The following METTL27 variants were observed in gnomAD, a reference collection of about 807,000 sequenced individuals.
METTL27 encodes methyltransferase like 27, also known as methyltransferase-like protein 27.
A neutral mutation model predicts 24.5 loss-of-function variants in METTL27; 29 were observed. That is an observed-to-expected ratio of 1.18 (90% confidence interval 0.88 to 1.61). The LOEUF (loss-of-function observed/expected upper bound fraction) is 1.61, where lower values mean the gene tolerates loss of function less well. METTL27 is among the 40% of genes most tolerant of loss of function. The pLI is 0.00. For missense variants in METTL27, 341 were observed against 324.3 expected (o/e 1.05, Z -0.40); for synonymous variants, 138 against 146.8 (o/e 0.94, Z 0.43).
intron 3 of METTL27, 53 bp from the exon 4 acceptor site, chr7:73,840,602 T>C: frequency 2.0e-6 from 3 of 1,526,982 alleles, no homozygotes; most frequent in Non-Finnish European, 2.6e-6. Context: ...ACTTCCCGGC[T>C]GGGTCCCTGC....
At chr7:73,840,388 G>C (rs1349762589) in intron 4 of METTL27, 26 bp downstream of exon 4, 14 of 1,556,708 alleles carry the variant, frequency 9.0e-6, no homozygotes, top group Non-Finnish European at 1.2e-5. Flanking sequence ...GTGGGCCTCG[G>C]GGTGTGGAGG....
Position 73,840,413 on chromosome 7 carries a change from C to A in METTL27, c.388+1G>T, listed in dbSNP as rs782044446. The A allele has an allele frequency of 1.9e-6, 3 of 1,571,568 alleles. No individual in the cohort carries two copies. Among genetic ancestry groups the A allele is most frequent in the Non-Finnish European group, 2.6e-6 (3 of 1,158,810 alleles). On this transcript the variant is annotated splice_donor_variant, in intron 4 of 5. Transcript: ENST00000297873. LOFTEE classifies it high-confidence loss of function. ...GGGTGTGGAGGTGGGAGAGAAAGTA[C>A]CTTCCGGGCTGGGCAGAGGCTCCTG... is the stretch of plus-strand genomic sequence containing the variant.
chr7:73,842,511 G>T lies in METTL27; in HGVS notation c.-26C>A. 1 of 207,888 alleles carries T rather than the reference G, an allele frequency of 4.8e-6. No individual in the cohort carries two copies. 12.9% of individuals were successfully genotyped at this position (207,888 alleles called of 1,614,324 possible). ...TCACCGCCAATCCAGCGCGCCTCGG[G>T]CGTGTGGGCAACAGGACTCGGGGCG... On this transcript the variant is annotated 5_prime_UTR_variant, in exon 1 of 6. Transcript: ENST00000297873.
intron 2 of METTL27, among the ~76,000 whole-genome samples, chr7:73,841,752 T>A (rs1584341899): frequency 6.6e-6 from 1 of 152,252 alleles, no homozygotes; most frequent in African/African-American, 2.4e-5. Flanking sequence ...GGCTTAGGAT[T>A]ACGGCTTGTG....
At chr7:73,840,256 T>A in intron 4 of METTL27, 136 bp from the exon 5 acceptor site, 7 of 1,444,838 alleles carry the variant, frequency 4.8e-6, no homozygotes, top group Non-Finnish European at 5.6e-6. Flanking sequence ...CCCTAGAGGA[T>A]AAGGTAAGTA....
At chr7:73,839,813 T>G in intron 5 of METTL27, 2 of 471,408 alleles carry the variant, frequency 4.2e-6, no homozygotes, top group Non-Finnish European at 7.5e-6. Context: ...TGCTCCTGGT[T>G]GTCCATGGAT....
At chr7:73,838,151 T>C (rs1372269354) in intron 5 of METTL27, among the ~76,000 whole-genome samples, 1 of 152,144 alleles carries the variant, frequency 6.6e-6, no homozygotes, top group East Asian at 1.9e-4. Context: ...CTGTGCCTGG[T>C]GGGGAATTCT....
Position 73,835,110 on chromosome 7 carries a change from T to C in METTL27, c.479-108A>G, listed in dbSNP as rs565571770. ...AAGGCAAGAAATTCGACTTAAAAGA[T>C]TGGGGACGCTCTCTCCCTCTCCCTC... On this transcript the variant is annotated intron_variant, in intron 5 of 5. Coordinates refer to ENST00000297873, the MANE Select transcript of METTL27 (RefSeq NM_152559.3). 2.6e-5 allele frequency: 37 copies of C among 1,435,574 alleles called. No individual in the cohort carries two copies. In the East Asian group the frequency reaches 8.1e-4, roughly 32 times the overall value. The allele number at this position is 1,435,574 out of a possible 1,614,324, so 88.9% of individuals were successfully genotyped here.
At chr7:73,835,099 G>A (rs928237713) in intron 5 of METTL27, 97 bp from the exon 6 acceptor site, 58 of 1,456,528 alleles carry the variant, frequency 4.0e-5, no homozygotes, top group Non-Finnish European at 4.7e-5. Flanking sequence ...CAAGAAATTC[G>A]ACTTAAAAGA....
In METTL27 at chr7:73,839,756, ACCT is replaced by A. The variant is rs1554635927; in HGVS notation, c.478+272_478+274del. On this transcript the variant is annotated intron_variant, in intron 5 of 5. Transcript: ENST00000297873. The stretch of plus-strand genomic sequence containing the variant: ...GGGACTGGATTGTAGCATTTATACC[ACCT>A]GACTCCCAGACTGGGAAAAGGAGGC... 1.2e-5 allele frequency: 5 copies of A among 425,032 alleles called. No individual in the cohort carries two copies. In the East Asian group the frequency reaches 1.9e-4, roughly 16 times the overall value. The allele number at this position is 425,032 out of a possible 1,614,324, so 26.3% of individuals were successfully genotyped here.
chr7:73,837,926 T>C (rs1788253133), intron 5 of METTL27, among the ~76,000 whole-genome samples: 1 of 151,848 alleles, frequency 6.6e-6, no homozygotes, highest in Non-Finnish European at 1.5e-5. Context: ...CATAGCTGAC[T>C]GTAGCCTCCA....
At chr7:73,839,375 C>T (rs1302054966) in intron 5 of METTL27, among the ~76,000 whole-genome samples, 1 of 152,188 alleles carries the variant, frequency 6.6e-6, no homozygotes, top group Non-Finnish European at 1.5e-5. Context: ...CTGGCCCCTT[C>T]CTGGGCCCCA....
rs142434485 is a variant in METTL27, at chr7:73,840,286, A to T, written c.388+128T>A. The T allele has an allele frequency of 1.9e-5, 28 of 1,486,054 alleles. No individual in the cohort carries two copies. In the East Asian group the frequency reaches 6.7e-4, roughly 35 times the overall value. The allele number at this position is 1,486,054 out of a possible 1,614,324, so 92.1% of individuals were successfully genotyped here. ...TAAGTATGGCCCAGTTCTGGGCTGC[A>T]GTCAGATCGTGGGGTGCAGGGTTGA... On this transcript the variant is annotated intron_variant, in intron 4 of 5. Transcript: ENST00000297873.
intron 5 of METTL27, among the ~76,000 whole-genome samples, chr7:73,839,396 G>A (rs1465274554): frequency 6.6e-6 from 1 of 152,202 alleles, no homozygotes; most frequent in African/African-American, 2.4e-5. Flanking sequence ...GTGGGTTGGA[G>A]ATCAAGGCCC....
At chr7:73,839,730 G>C (rs1298159819) in intron 5 of METTL27, 1 of 358,916 alleles carries the variant, frequency 2.8e-6, no homozygotes, top group South Asian at 7.6e-5. Flanking sequence ...GCAGTCCTAC[G>C]GGGACTGGAT....
chr7:73,838,026 T>TG lies in METTL27; in HGVS notation c.478+2004_478+2005insC, dbSNP rs201165875. ...CACCACGCCTGGCTAATTAAACATT[T>TG]TTTTTTTGTAGAGATGGGGTCTTGC... On this transcript the variant is annotated intron_variant, in intron 5 of 5. Coordinates refer to ENST00000297873, the MANE Select transcript of METTL27 (RefSeq NM_152559.3). 9.5e-3 allele frequency among the ~76,000 whole-genome samples: 1,447 copies of TG among 151,896 alleles called. 23 individuals are homozygous for TG. The highest frequency in any genetic ancestry group is 0.033 in the African/African-American group (1,354 of 41,340).
chr7:73,835,843 T>G (rs1788160925), intron 5 of METTL27, among the ~76,000 whole-genome samples: 1 of 115,492 alleles, frequency 8.7e-6, no homozygotes, highest in Admixed American at 8.4e-5. Context: ...GTCTGAGATG[T>G]GGGGAGCGCC....
chr7:73,834,782 G>A lies in METTL27; in HGVS notation c.699C>T (p.Thr233=), dbSNP rs879981038. 49 of 1,614,150 alleles carry A rather than the reference G, an allele frequency of 3.0e-5. No individual in the cohort carries two copies. The highest frequency in any genetic ancestry group is 4.1e-5 in the Non-Finnish European group (48 of 1,180,034). ...TGGGTCGCCTTCCACTTTCGGTACA[G>A]GTAGACAATGCCGGAGATGAAGCCA... The part of the protein sequence containing the change: ...PRMASSPALS[T]CTESGRRPRL... The change falls in exon 6 of 6, where the codon ACC becomes ACT. Residue 233 remains threonine, a synonymous_variant. Coordinates refer to ENST00000297873, the MANE Select transcript of METTL27 (RefSeq NM_152559.3).
In METTL27 at chr7:73,841,075, C is replaced by A; in HGVS notation, c.247G>T (p.Ala83Ser). The change falls in exon 3 of 6, where the codon GCC becomes TCC. Residue 83 changes from alanine (A) to serine (S), a missense_variant. Ala to Ser is a moderately conservative substitution (Grantham distance 99). Coordinates refer to ENST00000297873, the MANE Select transcript of METTL27 (RefSeq NM_152559.3). ...GGGATCTGGAAGAGCCTCACCTCGG[C>A]AGCCACTAGGCCTGTGCCACAGGCC... ...DVACGTGLVA[A>S]ELRAPGFLQL... The A allele has an allele frequency of 6.7e-7, 1 of 1,492,092 alleles. No homozygotes were observed. Among genetic ancestry groups the A allele is most frequent in the Non-Finnish European group, 8.9e-7 (1 of 1,127,416 alleles). 92.4% of individuals were successfully genotyped at this position (1,492,092 alleles called of 1,614,324 possible). A position where few individuals can be genotyped will look rare whatever the true frequency, so the allele number is the denominator to read the frequency against.
Sources: gnomAD v4.1 joint callset for allele counts (sites outside exome capture counted in the v4.1 genomes callset) on GRCh38, gnomAD v4.1.1 for gene constraint, MANE v1.5 for transcripts, NCBI Gene and HGNC (gene_info 2026-07-23, HGNC 2026-07-21) for gene names.